AGAP2: variants seen among roughly 807,000 people sequenced by gnomAD.
The protein encoded by AGAP2 is arf-GAP with GTPase, ANK repeat and PH domain-containing protein 2.
A neutral mutation model predicts 110.9 loss-of-function variants in AGAP2; 32 were observed. The ratio of observed to expected loss-of-function variants is 0.29; its 90% CI spans 0.22 to 0.39. The LOEUF (loss-of-function observed/expected upper bound fraction) is 0.39. AGAP2 is among the 10% of genes least tolerant of loss of function. The pLI, the probability that AGAP2 is intolerant of heterozygous loss-of-function variation, is 1.00. For synonymous variants in AGAP2, 702 were observed against 713.0 expected, an observed-to-expected ratio of 0.98 and a Z score of 0.25; for missense variants, 1,285 against 1,638.5, an observed-to-expected ratio of 0.78 and a Z score of 3.72.
intron 3 of AGAP2, 61 bp from the exon 4 acceptor site, chr12:57,734,465 T>C: frequency 6.3e-7 from 1 of 1,594,572 alleles, no homozygotes; most frequent in Non-Finnish European, 8.6e-7. Flanking sequence ...AACCTCCCCA[T>C]GCTCCCAGTG....
In AGAP2 at chr12:57,726,681, A is replaced by G; in HGVS notation, c.3450T>C (p.Gly1150=). 8.2e-7 allele frequency: 1 copy of G among 1,225,056 alleles called. No individual in the cohort carries two copies. The highest frequency in any genetic ancestry group is 1.0e-6 in the Non-Finnish European group (1 of 982,436). The allele number at this position is 1,225,056 out of a possible 1,614,324, so 75.9% of individuals were successfully genotyped here. A position where few individuals can be genotyped will look rare whatever the true frequency, so the allele number is the denominator to read the frequency against. Residue 1150 remains glycine (G), a synonymous_variant, in exon 19 of 19, where the codon GGT becomes GGC. Transcript: ENST00000547588. The surrounding 1 kb of genome is among the most constrained non-coding windows in gnomAD (Gnocchi z 5.7). ...ADILLQHGCP[G]EGGSAATTPS... ...GCGTGGTGGCCGCGCTGCCGCCCTC[A>G]CCCGGGCAGCCGTGCTGGAGAAGGA...
At chr12:57,724,465 T>C (rs2269720), downstream of AGAP2, 35,893 of 152,216 alleles carry the variant, frequency 0.24, 5,493 homozygotes, top group East Asian at 0.49. Flanking sequence ...CTGCAGCTCA[T>C]GGAGGCAGCA....
chr12:57,733,185 CTGTGTGTGTG>C (rs35371569), intron 5 of AGAP2, among the ~76,000 whole-genome samples: 12 of 146,658 alleles, frequency 8.2e-5, no homozygotes, highest in African/African-American at 2.0e-4. Flanking sequence ...GCTGGGTGAG[CTGTGTGTGTG>C]TGTGTGTGTG....
Position 57,734,100 on chromosome 12 carries a change from C to T in AGAP2, c.1475G>A (p.Arg492His), listed in dbSNP as rs763488738. 24 of 1,613,634 alleles carry T rather than the reference C, an allele frequency of 1.5e-5. No individual in the cohort carries two copies. Among genetic ancestry groups the T allele is most frequent in the African/African-American group, 4.0e-5 (3 of 74,920 alleles). ...AAGGGAACTCAGCTGCCCATGGAGACGGCTCACAGCCTGGAAACTGTTCTC... is the reference window on the plus strand; with the variant it reads ...AAGGGAACTCAGCTGCCCATGGAGATGGCTCACAGCCTGGAAACTGTTCTC... ...EDENSFQAVSRLHGQLSSLRG... is the reference protein window; with the variant it reads ...EDENSFQAVSHLHGQLSSLRG... The change falls in exon 5 of 19, where the codon CGT (arginine) becomes CAT (histidine). Residue 492 changes from arginine (R) to histidine (H), a missense_variant. Transcript: ENST00000547588.
In AGAP2 at chr12:57,737,120, C is replaced by A; in HGVS notation, c.1127G>T (p.Gly376Val). The change falls in exon 1 of 19, where the codon GGG becomes GTG. Residue 376 changes from glycine to valine, a missense_variant. By Grantham distance (109) the Gly-to-Val change is moderately radical. This residue lies in a region of AGAP2 where 844 missense variants were observed against 941.2 expected (regional missense o/e 0.90). Transcript: ENST00000547588. This position sits in a 1 kb window ranked among gnomAD's most constrained non-coding sequence, Gnocchi z 5.9. ...CTCGGCGCCCAGCAGCTCCCTGGACCCGCTGCCAGAAGACAGGCTGGGGGG... is the reference window on the plus strand; with the variant it reads ...CTCGGCGCCCAGCAGCTCCCTGGACACGCTGCCAGAAGACAGGCTGGGGGG... ...PGPPSLSSGS[G>V]SRELLGAELR... is the part of the protein sequence containing the mutation. The A allele has an allele frequency of 6.4e-7, 1 of 1,567,274 alleles. No individual in the cohort carries two copies. Among genetic ancestry groups the A allele is most frequent in the East Asian group, 2.4e-5 (1 of 42,484 alleles).
At position 57,733,485 on chromosome 12, in the gene AGAP2, CAG is replaced by C. The variant is rs377328100; in HGVS notation, c.1550-508_1550-507del. Among the ~76,000 whole-genome samples, 754 of 152,314 alleles carry C rather than the reference CAG, an allele frequency of 5.0e-3. 6 individuals are homozygous for C. Among genetic ancestry groups the C allele is most frequent in the African/African-American group, 0.017 (711 of 41,560 alleles). Reference sequence around the variant, plus strand: ...CAGACCAAGTCCCACCAGCTCGACACAGGGGAGTGCTGGAAAAGCATTTCCTG... The same window carrying C: ...CAGACCAAGTCCCACCAGCTCGACACGGGAGTGCTGGAAAAGCATTTCCTG... On this transcript the variant is annotated intron_variant, in intron 5 of 18. Transcript: ENST00000547588.
chr12:57,742,008 C>T (rs1955082333), upstream of AGAP2: 1 of 1,614,148 alleles, frequency 6.2e-7, no homozygotes, highest in Admixed American at 1.7e-5. Flanking sequence ...GCCTGCTTGG[C>T]CACCTCATGT....
At chr12:57,734,732 G>T in intron 2 of AGAP2, 53 bp from the exon 3 acceptor site, 1 of 1,541,718 alleles carries the variant, frequency 6.5e-7, no homozygotes, top group Non-Finnish European at 9.0e-7. Flanking sequence ...AAGGCAGGAT[G>T]CATGGGTCTG....
intron 10 of AGAP2, among the ~76,000 whole-genome samples, 162 bp from the exon 11 acceptor site, chr12:57,731,115 C>G (rs1176583789): frequency 6.6e-6 from 1 of 152,154 alleles, no homozygotes; most frequent in African/African-American, 2.4e-5. Context: ...CTTGGCCCAG[C>G]AATTGTCTCC....
At chr12:57,734,814 A>C in intron 2 of AGAP2, 135 bp from the exon 3 acceptor site, 2 of 752,736 alleles carry the variant, frequency 2.7e-6, no homozygotes, top group Non-Finnish European at 4.5e-6. Flanking sequence ...CAGTCATTCC[A>C]GAGAGAGCAG....
At chr12:57,742,040 G>A (rs201928942), upstream of AGAP2, 977 of 1,614,088 alleles carry the variant, frequency 6.1e-4, 11 homozygotes, top group South Asian at 5.8e-3. Flanking sequence ...TGCTCTCACT[G>A]CAGCTACAAC....
At position 57,737,102 on chromosome 12, in the gene AGAP2, C is replaced by A; in HGVS notation, c.1145G>T (p.Gly382Val). The part of the protein sequence containing the change: ...SSGSGSRELL[G>V]AELRASPKAV... ...ACTAGGGGAAGCGCGGAGCTCGGCG[C>A]CCAGCAGCTCCCTGGACCCGCTGCC... Residue 382 changes from glycine (G) to valine (V), a missense_variant, in exon 1 of 19, where the codon GGC becomes GTC. Coordinates refer to ENST00000547588, the MANE Select transcript of AGAP2 (RefSeq NM_001122772.3). The surrounding 1 kb of genome is among the most constrained non-coding windows in gnomAD (Gnocchi z 5.9). The A allele has an allele frequency of 1.3e-6, 2 of 1,554,370 alleles. No homozygotes were observed. Among genetic ancestry groups the A allele is most frequent in the Non-Finnish European group, 8.7e-7 (1 of 1,150,862 alleles).
Position 57,734,624 on chromosome 12 carries a change from G to C in AGAP2, c.1283C>G (p.Thr428Ser), listed in dbSNP as rs551233890. ...GKSSLIHRFLTGSYQVLEKTE... is the reference protein window; with the variant it reads ...GKSSLIHRFLSGSYQVLEKTE... ...CTTCTCCAGCACCTGGTATGAGCCA[G>C]TCAGGAATCGGTGGATGAGCGATGA... Residue 428 changes from threonine (T) to serine (S), a missense_variant, in exon 3 of 19, where the codon ACT (threonine) becomes AGT (serine). By Grantham distance (58) the Thr-to-Ser change is moderately conservative (BLOSUM62 1). Coordinates refer to ENST00000547588, the MANE Select transcript of AGAP2 (RefSeq NM_001122772.3). 3.1e-6 allele frequency: 5 copies of C among 1,614,202 alleles called. No individual in the cohort carries two copies. Among genetic ancestry groups the C allele is most frequent in the Non-Finnish European group, 3.4e-6 (4 of 1,180,044 alleles).
upstream of AGAP2, among the ~76,000 whole-genome samples, chr12:57,741,041 G>T (rs577293717): frequency 1.6e-4 from 24 of 152,332 alleles, no homozygotes; most frequent in South Asian, 4.8e-3. Flanking sequence ...AGCAAAGAAG[G>T]CTGCTTTTGT....
rs1486459605 is a variant in AGAP2, at chr12:57,729,655, C to T, written c.2541G>A (p.Ser847=). 21 of 1,612,882 alleles carry T rather than the reference C, an allele frequency of 1.3e-5. No individual in the cohort carries two copies. The highest frequency in any genetic ancestry group is 1.8e-5 in the Non-Finnish European group (21 of 1,179,698). The change falls in exon 13 of 19, where the codon TCG becomes TCA. Residue 847 remains serine (S), a synonymous_variant. Coordinates refer to ENST00000547588, the MANE Select transcript of AGAP2 (RefSeq NM_001122772.3). The stretch of plus-strand genomic sequence containing the variant: ...GAGCCTCACCTTCAGCCTGCCCAGC[C>T]GAGCCTTCAGTCTTGGATGGTGTTG... The part of the protein sequence containing the change: ...KLTTPSKTEG[S]AGQAEAKRKM...
chr12:57,730,223 C>T (rs1057340083), intron 12 of AGAP2, among the ~76,000 whole-genome samples: 3 of 152,138 alleles, frequency 2.0e-5, no homozygotes, highest in Admixed American at 6.5e-5. Flanking sequence ...AAACTATTAT[C>T]TCCATGTTAC....
intron 2 of AGAP2, 31 bp downstream of exon 2, chr12:57,735,338 T>C (rs1369128704): frequency 2.5e-6 from 4 of 1,610,154 alleles, no homozygotes; most frequent in Non-Finnish European, 2.5e-6. Flanking sequence ...AGGTCAGCCT[T>C]CCCTATAGGC....
Position 57,738,392 on chromosome 12 carries a change from T to A in AGAP2, c.-146A>T. The A allele has an allele frequency of 1.9e-6, 2 of 1,039,152 alleles. No homozygotes were observed. The highest frequency in any genetic ancestry group is 4.1e-5 in the East Asian group (1 of 24,322). 64.4% of individuals were successfully genotyped at this position (1,039,152 alleles called of 1,614,324 possible). Reference sequence around the variant, plus strand: ...GCCCGGCTCCGCTGTCGCCGCCGCCTCCGCCGCCTCCGCTTGCGCCCCCCT... The same window carrying A: ...GCCCGGCTCCGCTGTCGCCGCCGCCACCGCCGCCTCCGCTTGCGCCCCCCT... On this transcript the variant is annotated 5_prime_UTR_variant, in exon 1 of 19. Coordinates refer to ENST00000547588, the MANE Select transcript of AGAP2 (RefSeq NM_001122772.3). The surrounding 1 kb of genome is among the most constrained non-coding windows in gnomAD (Gnocchi z 6.7).
rs368561969 is a variant in AGAP2, at chr12:57,734,072, G to A, written c.1503C>T (p.Arg501=). Residue 501 remains arginine, a synonymous_variant, in exon 5 of 19, where the codon CGC becomes CGT. Coordinates refer to ENST00000547588, the MANE Select transcript of AGAP2 (RefSeq NM_001122772.3). The stretch of plus-strand genomic sequence containing the variant: ...AGGCCAGGCCTCCTCGTCCCTCCCC[G>A]CGAAGGGAACTCAGCTGCCCATGGA... The part of the protein sequence containing the change: ...SRLHGQLSSL[R]GEGRGGLALA... 65 of 1,612,466 alleles carry A rather than the reference G, an allele frequency of 4.0e-5. No homozygotes were observed. Among genetic ancestry groups the A allele is most frequent in the Non-Finnish European group, 5.1e-5 (60 of 1,179,300 alleles).
Sources: allele counts gnomAD v4.1 joint callset (sites outside exome capture counted in the v4.1 genomes callset), GRCh38; gene constraint gnomAD v4.1.1; regional missense constraint gnomAD v4.1.1; non-coding constraint Gnocchi (gnomAD v3.1); transcripts MANE v1.5; gene names NCBI Gene and HGNC (gene_info 2026-07-23, HGNC 2026-07-21).